The following GNAT3 variants were observed in gnomAD, a reference collection of about 807,000 sequenced individuals.
The protein encoded by GNAT3 is G protein subunit alpha transducin 3, also known as guanine nucleotide-binding protein G(t) subunit alpha-3.
In GNAT3, 31 loss-of-function variants were observed where a neutral mutation model predicts 37.7. That is an observed-to-expected ratio of 0.82 (90% CI 0.62 to 1.11). GNAT3 has a LOEUF of 1.11. Among genes scored for constraint, GNAT3 ranks in the 50% most tolerant of loss-of-function variants. The pLI, the probability that GNAT3 is intolerant of heterozygous loss-of-function variation, is 0.00. For synonymous variants in GNAT3, 138 were observed against 139.8 expected, an observed-to-expected ratio of 0.99 and a Z score of 0.09; for missense variants, 437 against 412.5, an observed-to-expected ratio of 1.06 and a Z score of -0.51.
At chr7:80,503,389 A>G (rs1024247185) in intron 1 of GNAT3, among the ~76,000 whole-genome samples, 4 of 152,198 alleles carry the variant, frequency 2.6e-5, no homozygotes, top group African/African-American at 9.6e-5. Flanking sequence ...ATACAAATAA[A>G]AGGCTTTGCT....
chr7:80,487,399 T>C (rs1054526776), intron 3 of GNAT3, among the ~76,000 whole-genome samples: 1 of 152,166 alleles, frequency 6.6e-6, no homozygotes, highest in African/African-American at 2.4e-5. Context: ...GTAAAATACC[T>C]GACTCCTTGC....
At chr7:80,487,778 G>T (rs1011993674) in intron 3 of GNAT3, 1 of 152,170 alleles carries the variant, frequency 6.6e-6, no homozygotes, top group Non-Finnish European at 1.5e-5. Flanking sequence ...ACATATGGAA[G>T]TGGGTGAGTT....
rs565164231 is a variant in GNAT3, at chr7:80,512,060, A to T, written c.-134T>A. ...GCAGTCCATTCCCTAATGCTCTAAG[A>T]TTCTGCTTTGACTAAGGAGATGCTT... On this transcript the variant is annotated 5_prime_UTR_variant, in exon 1 of 8. Coordinates refer to ENST00000398291, the MANE Select transcript of GNAT3 (RefSeq NM_001102386.3). 1.7e-6 allele frequency: 1 copy of T among 576,850 alleles called. No homozygotes were observed. Among genetic ancestry groups the T allele is most frequent in the African/African-American group, 1.9e-5 (1 of 53,540 alleles). 35.7% of individuals were successfully genotyped at this position (576,850 alleles called of 1,614,324 possible).
At chr7:80,478,121 G>T (rs988532186) in intron 4 of GNAT3, among the ~76,000 whole-genome samples, 1 of 152,216 alleles carries the variant, frequency 6.6e-6, no homozygotes, top group African/African-American at 2.4e-5. Context: ...ATGTAACCCA[G>T]GCTGGTCTCA....
At chr7:80,511,141 T>A (rs976519295) in intron 1 of GNAT3, among the ~76,000 whole-genome samples, 13 of 152,068 alleles carry the variant, frequency 8.5e-5, no homozygotes, top group African/African-American at 3.1e-4. Context: ...ATTGAATTTA[T>A]AGTCAAGGTA....
At chr7:80,489,379 G>A (rs371257126) in intron 2 of GNAT3, among the ~76,000 whole-genome samples, 1 of 151,954 alleles carries the variant, frequency 6.6e-6, no homozygotes, top group Non-Finnish European at 1.5e-5. Context: ...TGCCAGTTAC[G>A]TATTTTTGCA....
At chr7:80,506,307 G>C (rs570665207) in intron 1 of GNAT3, among the ~76,000 whole-genome samples, 1 of 152,168 alleles carries the variant, frequency 6.6e-6, no homozygotes, top group Non-Finnish European at 1.5e-5. Flanking sequence ...TTGGCTAAGT[G>C]TGGAATGTTT....
In GNAT3 at chr7:80,476,780, C is replaced by T. The variant is rs946820065; in HGVS notation, c.461+2061G>A. On this transcript the variant is annotated intron_variant, in intron 4 of 7. Coordinates refer to ENST00000398291, the MANE Select transcript of GNAT3 (RefSeq NM_001102386.3). ...CAGTGTTTGGAAAAAAAAATCTGCTCTTAATTTCTGGAAGAAAGCAATGAC... is the reference window on the plus strand; with the variant it reads ...CAGTGTTTGGAAAAAAAAATCTGCTTTTAATTTCTGGAAGAAAGCAATGAC... Among the ~76,000 whole-genome samples, 4 of 151,850 alleles carry T rather than the reference C, an allele frequency of 2.6e-5. No homozygotes were observed. The East Asian group carries it at 7.8e-4, about 30-fold the overall frequency.
At chr7:80,477,920 G>T (rs1562724156) in intron 4 of GNAT3, among the ~76,000 whole-genome samples, 1 of 152,128 alleles carries the variant, frequency 6.6e-6, no homozygotes, top group Non-Finnish European at 1.5e-5. Context: ...GTTTTTTGGG[G>T]TTAATTTGGT....
intron 4 of GNAT3, 98 bp from the exon 5 acceptor site, chr7:80,474,477 G>GTA (rs892530104): frequency 3.7e-4 from 157 of 423,288 alleles, no homozygotes; most frequent in African/African-American, 2.1e-3. Flanking sequence ...ATATGTGTGT[G>GTA]TATATATATA....
rs1480540366 is a variant in GNAT3, at chr7:80,465,376, A to AT, written c.591-2746dup. 7.9e-5 allele frequency among the ~76,000 whole-genome samples: 12 copies of AT among 152,258 alleles called. No homozygotes were observed. In the East Asian group the frequency reaches 2.3e-3, roughly 29 times the overall value. Reference sequence around the variant, plus strand: ...TAAGAGTTTACTATTTGTCGGGTATATAAGCACCTTACAGCAATTAACTCA... The same window carrying AT: ...TAAGAGTTTACTATTTGTCGGGTATATTAAGCACCTTACAGCAATTAACTCA... On this transcript the variant is annotated intron_variant, in intron 5 of 7. Coordinates refer to ENST00000398291, the MANE Select transcript of GNAT3 (RefSeq NM_001102386.3).
At position 80,508,271 on chromosome 7, in the gene GNAT3, G is replaced by A. The variant is rs563745541; in HGVS notation, c.118+3538C>T. 2.7e-5 allele frequency among the ~76,000 whole-genome samples: 4 copies of A among 147,404 alleles called. No homozygotes were observed. The South Asian group carries it at 8.5e-4, about 31-fold the overall frequency. ...TAAGCAGCCCATGTGATGGAAATTTGCAAAAAAAACAAACGAAACTGATGC... is the reference window on the plus strand; with the variant it reads ...TAAGCAGCCCATGTGATGGAAATTTACAAAAAAAACAAACGAAACTGATGC... On this transcript the variant is annotated intron_variant, in intron 1 of 7. Coordinates refer to ENST00000398291, the MANE Select transcript of GNAT3 (RefSeq NM_001102386.3).
chr7:80,477,476 C>G (rs1790326085), intron 4 of GNAT3, among the ~76,000 whole-genome samples: 1 of 152,080 alleles, frequency 6.6e-6, no homozygotes, highest in South Asian at 2.1e-4. Flanking sequence ...CTCATTCTCT[C>G]CATCAGAGAG....
chr7:80,476,835 C>T (rs1790311771), intron 4 of GNAT3, among the ~76,000 whole-genome samples: 1 of 151,340 alleles, frequency 6.6e-6, no homozygotes, highest in East Asian at 2.0e-4. Context: ...GCAAGCTTTC[C>T]TTTTAAGGAC....
At chr7:80,502,723 G>C (rs566559968) in intron 1 of GNAT3, among the ~76,000 whole-genome samples, 1 of 151,146 alleles carries the variant, frequency 6.6e-6, no homozygotes, top group South Asian at 2.1e-4. Context: ...AAAAAACATA[G>C]GTTTGAATAT....
intron 1 of GNAT3, among the ~76,000 whole-genome samples, chr7:80,501,796 A>G (rs946939337): frequency 6.6e-6 from 1 of 151,854 alleles, no homozygotes. Flanking sequence ...AATAATGTGG[A>G]TTTTCAGTTT....
intron 6 of GNAT3, 45 bp downstream of exon 6, chr7:80,462,457 C>A (rs1409958845): frequency 6.2e-7 from 1 of 1,603,618 alleles, no homozygotes; most frequent in Admixed American, 1.7e-5. Flanking sequence ...CTGAAAAGCA[C>A]AAAGATTACT....
In GNAT3 at chr7:80,474,309, G is replaced by T; in HGVS notation, c.532C>A (p.Arg178=). The part of the protein sequence containing the change: ...VPNEQDVLHS[R]VKTTGIIETQ... ...TCAATGATTCCAGTCGTTTTCACTCGAGAATGGAGAACATCTTGTTCATTT... is the reference window on the plus strand; with the variant it reads ...TCAATGATTCCAGTCGTTTTCACTCTAGAATGGAGAACATCTTGTTCATTT... The change falls in exon 5 of 8, where the codon CGA becomes AGA. Residue 178 remains arginine, a synonymous_variant. Transcript: ENST00000398291. 6.3e-7 allele frequency: 1 copy of T among 1,579,732 alleles called. No individual in the cohort carries two copies. Among genetic ancestry groups the T allele is most frequent in the African/African-American group, 1.3e-5 (1 of 74,530 alleles).
Position 80,462,268 on chromosome 7 carries a change from A to ATTAC in GNAT3, c.761_764dup (p.Asn255LysfsTer2). 6.2e-7 allele frequency: 1 copy of ATTAC among 1,612,834 alleles called. No individual in the cohort carries two copies. Among genetic ancestry groups the ATTAC allele is most frequent in the Non-Finnish European group, 8.5e-7 (1 of 1,179,050 alleles). On this transcript the variant is annotated stop_gained and frameshift_variant, in exon 7 of 8. Coordinates refer to ENST00000398291, the MANE Select transcript of GNAT3 (RefSeq NM_001102386.3). LOFTEE classifies it high-confidence loss of function. ...TGGAGGTTGTTGAAAAATACTTGTG[A>ATTAC]TTACAGATACTGTTGAACAGGTGAA...
Sources: allele counts gnomAD v4.1 joint callset (sites outside exome capture counted in the v4.1 genomes callset), GRCh38; gene constraint gnomAD v4.1.1; transcripts MANE v1.5; gene names NCBI Gene and HGNC (gene_info 2026-07-23, HGNC 2026-07-21).